Variants in PPP1R1C observed in about 807,000 individuals in gnomAD.
PPP1R1C encodes protein phosphatase 1 regulatory inhibitor subunit 1C, also known as protein phosphatase 1 regulatory subunit 1C.
In PPP1R1C, 15 loss-of-function variants were observed where a neutral mutation model predicts 17.4. The observed-to-expected ratio is 0.86, with a 90% confidence interval of 0.58 to 1.33. The LOEUF is 1.33. Among genes scored for constraint, PPP1R1C ranks in the 40% most tolerant of loss-of-function variants. PPP1R1C has a pLI of 0.00. For missense variants in PPP1R1C, 143 were observed against 130.0 expected, an observed-to-expected ratio of 1.10 and a Z score of -0.48; for synonymous variants, 35 against 43.1, an observed-to-expected ratio of 0.81 and a Z score of 0.73.
chr2:181,972,549 T>C (rs1166055961), intron 1 of PPP1R1C, among the ~76,000 whole-genome samples: 2 of 151,520 alleles, frequency 1.3e-5, no homozygotes, highest in Non-Finnish European at 2.9e-5. Context: ...AACAAAGCAC[T>C]TGGAGGACAT....
At chr2:181,994,842 A>G (rs2125144849) in intron 2 of PPP1R1C, among the ~76,000 whole-genome samples, 1 of 152,308 alleles carries the variant, frequency 6.6e-6, no homozygotes, top group South Asian at 2.1e-4. Flanking sequence ...AGAGGCACTT[A>G]TTTATTATGC....
intron 4 of PPP1R1C, among the ~76,000 whole-genome samples, chr2:182,085,788 A>T (rs1172823572): frequency 6.6e-6 from 1 of 152,182 alleles, no homozygotes; most frequent in African/African-American, 2.4e-5. Flanking sequence ...CACGGGGGAA[A>T]CTTGTAAAAT....
upstream of PPP1R1C, among the ~76,000 whole-genome samples, chr2:181,984,162 A>G (rs974976927): frequency 6.6e-6 from 1 of 152,190 alleles, no homozygotes; most frequent in Non-Finnish European, 1.5e-5. Context: ...AATAATAGCT[A>G]TCTTTTATTG....
chr2:182,094,871 A>G (rs1361386722), intron 4 of PPP1R1C, among the ~76,000 whole-genome samples: 1 of 152,202 alleles, frequency 6.6e-6, no homozygotes, highest in East Asian at 1.9e-4. Flanking sequence ...GGTATATTAG[A>G]TGCATTGTTG....
intron 4 of PPP1R1C, among the ~76,000 whole-genome samples, chr2:182,094,701 T>G (rs192919566): frequency 1.3e-5 from 2 of 152,304 alleles, no homozygotes; most frequent in Admixed American, 6.5e-5. Flanking sequence ...GGCTGGAGGT[T>G]GCACTTTTTT....
intron 4 of PPP1R1C, among the ~76,000 whole-genome samples, chr2:182,076,192 C>CTTTTATTTTTTTTTTTTTTTTTT (rs1688296764): frequency 7.7e-5 from 2 of 25,838 alleles, no homozygotes; most frequent in Admixed American, 5.4e-4. Flanking sequence ...TTTTTTTTTT[C>CTTTTATTTTTTTTTTTTTTTTTT]TTTTCTTTTT....
intron 2 of PPP1R1C, among the ~76,000 whole-genome samples, chr2:182,056,902 T>C (rs979567387): frequency 6.6e-6 from 1 of 152,200 alleles, no homozygotes; most frequent in Non-Finnish European, 1.5e-5. Flanking sequence ...ACTTAGGCAA[T>C]ATTTATAAGA....
At chr2:182,055,366 A>G (rs1261074832) in intron 2 of PPP1R1C, among the ~76,000 whole-genome samples, 2 of 152,242 alleles carry the variant, frequency 1.3e-5, no homozygotes, top group East Asian at 1.9e-4. Flanking sequence ...CTTGGCAAAC[A>G]TAATGTAGAC....
chr2:182,093,605 C>A (rs575995700), intron 4 of PPP1R1C, among the ~76,000 whole-genome samples: 2 of 152,260 alleles, frequency 1.3e-5, no homozygotes, highest in Non-Finnish European at 2.9e-5. Flanking sequence ...TTTAACAGCA[C>A]CCTAGTCACC....
intron 2 of PPP1R1C, among the ~76,000 whole-genome samples, chr2:182,053,966 G>T (rs1687606140): frequency 6.6e-6 from 1 of 151,886 alleles, no homozygotes; most frequent in South Asian, 2.1e-4. Flanking sequence ...TTTCCTCTGG[G>T]ATTAGTGCTG....
rs1186538653 is a variant in PPP1R1C at position 181,961,128 on chromosome 2, C to CCCTT, written n.111+6507_111+6510dup. The CCCTT allele has an allele frequency of 8.3e-6, 5 of 605,608 alleles. No homozygotes were observed. Among genetic ancestry groups the CCCTT allele is most frequent in the Non-Finnish European group, 1.5e-5 (5 of 336,034 alleles). 37.5% of individuals were successfully genotyped at this position (605,608 alleles called of 1,614,324 possible). A position where few individuals can be genotyped will look rare whatever the true frequency, so the allele number is the denominator to read the frequency against. ...AGCAGTTTTCTTGTCTTCCTTCCCT[C>CCCTT]CCTTCCTTCCTTCCTTTCACCTCTG... On this transcript the variant is annotated intron_variant and non_coding_transcript_variant, in intron 1 of 5. Transcript: ENST00000464264. The surrounding 1 kb of genome is among the most constrained non-coding windows in gnomAD (Gnocchi z 5.8).
chr2:182,060,530 C>CAT (rs1285551729), intron 2 of PPP1R1C, among the ~76,000 whole-genome samples: 2 of 152,034 alleles, frequency 1.3e-5, no homozygotes, highest in African/African-American at 2.4e-5. Flanking sequence ...GTCTTCTATG[C>CAT]ATATATATAT....
At chr2:182,129,311 T>C (rs1452781535) in exon 6 of PPP1R1C, 1 of 152,156 alleles carries the variant, frequency 6.6e-6, no homozygotes, top group East Asian at 1.9e-4. Context: ...TTAGTTTTTC[T>C]AATTCTGGAA....
downstream of PPP1R1C, among the ~76,000 whole-genome samples, chr2:182,120,322 G>A (rs1689702797): frequency 6.6e-6 from 1 of 151,906 alleles, no homozygotes; most frequent in Non-Finnish European, 1.5e-5. Context: ...GTAGCTGAAG[G>A]AAGTAGAGAC....
At chr2:181,995,303 T>C (rs1153743) in intron 2 of PPP1R1C, among the ~76,000 whole-genome samples, 179 of 152,342 alleles carry the variant, frequency 1.2e-3, no homozygotes, top group African/African-American at 4.1e-3. Context: ...AGACATGTAA[T>C]ACTTAAGAGT....
chr2:181,961,425 G>T lies in PPP1R1C; in HGVS notation n.111+6791G>T. The T allele has an allele frequency of 1.3e-6, 1 of 762,030 alleles. No individual in the cohort carries two copies. The highest frequency in any genetic ancestry group is 2.0e-5 in the Admixed American group (1 of 49,942). The allele number at this position is 762,030 out of a possible 1,614,324, so 47.2% of individuals were successfully genotyped here. A position where few individuals can be genotyped will look rare whatever the true frequency, so the allele number is the denominator to read the frequency against. Reference sequence around the variant, plus strand: ...CGATCTGGTGCTGTCCCTCTGCCCGGCTCTGTGCCATCTCTGACTCCAGGT... The same window carrying T: ...CGATCTGGTGCTGTCCCTCTGCCCGTCTCTGTGCCATCTCTGACTCCAGGT... On this transcript the variant is annotated intron_variant and non_coding_transcript_variant, in intron 1 of 5. Coordinates refer to the PPP1R1C transcript ENST00000464264. The surrounding 1 kb of genome is among the most constrained non-coding windows in gnomAD (Gnocchi z 5.8).
chr2:181,976,037 G>A lies in PPP1R1C; in HGVS notation n.157+773G>A, dbSNP rs1685086668. Among the ~76,000 whole-genome samples, 1 of 151,750 alleles carries A rather than the reference G, an allele frequency of 6.6e-6. No homozygotes were observed. The highest frequency in any genetic ancestry group is 1.5e-5 in the Non-Finnish European group (1 of 67,884). Reference sequence around the variant, plus strand: ...TATTTAAAATTATCTTTGTTATTCTGGCTCTTAATTTTTTATTAAAAAATT... The same window carrying A: ...TATTTAAAATTATCTTTGTTATTCTAGCTCTTAATTTTTTATTAAAAAATT... On this transcript the variant is annotated intron_variant and non_coding_transcript_variant, in intron 2 of 5. Transcript: ENST00000464264. This position sits in a 1 kb window ranked among gnomAD's most constrained non-coding sequence, Gnocchi z 4.8.
chr2:181,994,017 G>GA (rs201636871), intron 2 of PPP1R1C, among the ~76,000 whole-genome samples: 5 of 133,980 alleles, frequency 3.7e-5, no homozygotes, highest in South Asian at 4.9e-4. Context: ...TAGTGGGTAA[G>GA]AAAAAAAAAA....
intron 2 of PPP1R1C, chr2:182,024,024 G>C (rs1021223776): frequency 3.3e-5 from 5 of 152,030 alleles, no homozygotes; most frequent in African/African-American, 7.2e-5. Flanking sequence ...AATATGGTAG[G>C]AGCAATATCC....
Sources: allele counts gnomAD v4.1 joint callset (sites outside exome capture counted in the v4.1 genomes callset), GRCh38; gene constraint gnomAD v4.1.1; non-coding constraint Gnocchi (gnomAD v3.1); transcripts MANE v1.5; gene names NCBI Gene and HGNC (gene_info 2026-07-23, HGNC 2026-07-21).